ZRANB3: variants seen among roughly 807,000 people sequenced by gnomAD.
The protein encoded by ZRANB3 is DNA annealing helicase and endonuclease ZRANB3.
Under a neutral mutation model 133.8 loss-of-function variants are expected in ZRANB3, and 125 were observed. That is an observed-to-expected ratio of 0.93 (90% CI 0.81 to 1.08). ZRANB3 has a LOEUF of 1.08. Among genes scored for constraint, ZRANB3 ranks in the 50% least tolerant of loss-of-function variants. ZRANB3 has a pLI of 0.00. For missense variants in ZRANB3, 1,229 were observed against 1,275.5 expected (o/e 0.96, Z 0.56); for synonymous variants, 387 against 432.7 (o/e 0.89, Z 1.31).
chr2:135,365,851 C>G (rs1432298281), intron 3 of ZRANB3, among the ~76,000 whole-genome samples: 2 of 152,050 alleles, frequency 1.3e-5, no homozygotes, highest in East Asian at 3.8e-4. Flanking sequence ...TTGAAGACAT[C>G]ATAATTAGAA....
intron 1 of ZRANB3, chr2:135,510,496 C>A: frequency 1.8e-6 from 1 of 558,124 alleles, no homozygotes. Context: ...AGAAATTCAC[C>A]ATTCTGTAGG....
chr2:135,506,803 A>AG (rs1287926434), intron 1 of ZRANB3, among the ~76,000 whole-genome samples: 1 of 152,206 alleles, frequency 6.6e-6, no homozygotes, highest in Non-Finnish European at 1.5e-5. Flanking sequence ...ATCAATAAGG[A>AG]GGCAGGAGAT....
intron 3 of ZRANB3, among the ~76,000 whole-genome samples, chr2:135,360,539 A>G (rs1235799518): frequency 6.7e-6 from 1 of 150,276 alleles, no homozygotes; most frequent in Non-Finnish European, 1.5e-5. Context: ...CCCCATCTCC[A>G]CTAAAAATAC....
Position 135,224,901 on chromosome 2 carries a change from G to T in ZRANB3, c.2159-384C>A, listed in dbSNP as rs112133730. ...TTTGAGACCGAATGAGCATCATTTT[G>T]ATTATTAGCAGCAACATCGCTATGT... On this transcript the variant is annotated intron_variant, in intron 14 of 20. Coordinates refer to ENST00000264159, the MANE Select transcript of ZRANB3 (RefSeq NM_032143.4). 3.0e-3 allele frequency among the ~76,000 whole-genome samples: 451 copies of T among 152,258 alleles called. 3 individuals are homozygous for T. The highest frequency in any genetic ancestry group is 0.01 in the African/African-American group (420 of 41,542).
intron 2 of ZRANB3, among the ~76,000 whole-genome samples, chr2:135,395,086 T>C (rs959329328): frequency 1.3e-5 from 2 of 151,804 alleles, no homozygotes; most frequent in Non-Finnish European, 2.9e-5. Context: ...AGGAATCACA[T>C]TATCTGACTT....
At chr2:135,513,902 C>T (rs1190141019) in intron 1 of ZRANB3, among the ~76,000 whole-genome samples, 2 of 152,122 alleles carry the variant, frequency 1.3e-5, no homozygotes, top group Non-Finnish European at 2.9e-5. Flanking sequence ...AATCCTTTCC[C>T]CATTTCTTGT....
At chr2:135,337,770 T>C (rs1262946734) in intron 6 of ZRANB3, among the ~76,000 whole-genome samples, 1 of 152,232 alleles carries the variant, frequency 6.6e-6, no homozygotes, top group African/African-American at 2.4e-5. Context: ...AAATTCTTAA[T>C]AGAAAGTAGC....
At chr2:135,289,822 G>A (rs1681595287) in intron 8 of ZRANB3, among the ~76,000 whole-genome samples, 1 of 152,162 alleles carries the variant, frequency 6.6e-6, no homozygotes, top group African/African-American at 2.4e-5. Context: ...AGAATTGCTT[G>A]AACCCAGGAG....
At chr2:135,203,412 G>A (rs1229576518) in intron 19 of ZRANB3, among the ~76,000 whole-genome samples, 1 of 152,142 alleles carries the variant, frequency 6.6e-6, no homozygotes, top group Admixed American at 6.5e-5. Context: ...TAGGTCAGGA[G>A]ATCGAGACAA....
intron 2 of ZRANB3, among the ~76,000 whole-genome samples, chr2:135,403,619 C>T (rs557260863): frequency 5.9e-5 from 9 of 152,336 alleles, no homozygotes; most frequent in East Asian, 1.9e-4. Context: ...TATCCCAGCA[C>T]GCAGCTGGAG....
chr2:135,322,612 G>A (rs1683585131), intron 6 of ZRANB3, among the ~76,000 whole-genome samples: 1 of 152,076 alleles, frequency 6.6e-6, no homozygotes, highest in African/African-American at 2.4e-5. Context: ...TCCCTACTTG[G>A]GAGGCTGAGA....
intron 3 of ZRANB3, among the ~76,000 whole-genome samples, chr2:135,354,718 G>C (rs974042199): frequency 6.6e-6 from 1 of 152,110 alleles, no homozygotes; most frequent in African/African-American, 2.4e-5. Flanking sequence ...TCTCATTCTG[G>C]AAAGTAAAAC....
At chr2:135,214,277 TGA>T (rs1217094178) in intron 17 of ZRANB3, among the ~76,000 whole-genome samples, 1 of 152,182 alleles carries the variant, frequency 6.6e-6, no homozygotes, top group Admixed American at 6.5e-5. Flanking sequence ...CTCCCCACTT[TGA>T]GTCTTGCCCT....
At chr2:135,526,135 T>A (rs1694149273) in intron 1 of ZRANB3, among the ~76,000 whole-genome samples, 1 of 151,846 alleles carries the variant, frequency 6.6e-6, no homozygotes, top group African/African-American at 2.4e-5. Context: ...TACATTTAAT[T>A]GTACTTGAGG....
At chr2:135,380,667 T>C (rs1225565498) in intron 3 of ZRANB3, among the ~76,000 whole-genome samples, 1 of 152,174 alleles carries the variant, frequency 6.6e-6, no homozygotes, top group East Asian at 1.9e-4. Context: ...TAAAGCAGTG[T>C]GTAGAGGGAA....
At chr2:135,529,807 GC>G (rs1694367889) in intron 1 of ZRANB3, among the ~76,000 whole-genome samples, 1 of 151,332 alleles carries the variant, frequency 6.6e-6, no homozygotes. Context: ...GAGCCACCGC[GC>G]CTGTCTGCCA....
At chr2:135,501,115 C>T (rs774607513) in intron 2 of ZRANB3, among the ~76,000 whole-genome samples, 4 of 152,026 alleles carry the variant, frequency 2.6e-5, no homozygotes, top group African/African-American at 7.2e-5. Context: ...AACTACAGAA[C>T]TCCAAAGACA....
chr2:135,509,572 T>C (rs1173052412), intron 1 of ZRANB3, among the ~76,000 whole-genome samples: 2 of 152,136 alleles, frequency 1.3e-5, no homozygotes, highest in African/African-American at 4.8e-5. Flanking sequence ...AAATCAAAGA[T>C]AAACAGAAGG....
At chr2:135,268,720 AAGT>A (rs1680365789) in intron 11 of ZRANB3, among the ~76,000 whole-genome samples, 1 of 152,080 alleles carries the variant, frequency 6.6e-6, no homozygotes, top group Non-Finnish European at 1.5e-5. Context: ...TGTACCTCTA[AAGT>A]AGTAGAAGGG....
Sources: gnomAD v4.1 joint callset for allele counts (sites outside exome capture counted in the v4.1 genomes callset) on GRCh38, gnomAD v4.1.1 for gene constraint, MANE v1.5 for transcripts, NCBI Gene and HGNC (gene_info 2026-07-23, HGNC 2026-07-21) for gene names.